Variants in ECHDC3 observed in about 807,000 individuals in gnomAD.
ECHDC3 encodes enoyl-CoA hydratase domain containing 3.
Under a neutral mutation model 17.9 loss-of-function variants are expected in ECHDC3, and 20 were observed. That is an observed-to-expected ratio of 1.12 (90% CI 0.79 to 1.63). ECHDC3 has a LOEUF of 1.63. Ranked by LOEUF, ECHDC3 falls within the 40% of genes most tolerant of loss-of-function variation. The pLI, the probability that ECHDC3 is intolerant of heterozygous loss-of-function variation, is 0.00. For synonymous variants in ECHDC3, 177 were observed against 149.7 expected (o/e 1.18, Z -1.33); for missense variants, 407 against 357.7 (o/e 1.14, Z -1.11).
chr10:11,755,974 A>C (rs1275532798), intron 4 of ECHDC3, among the ~76,000 whole-genome samples: 3 of 152,246 alleles, frequency 2.0e-5, no homozygotes, highest in Non-Finnish European at 2.9e-5. Flanking sequence ...TGTTGCACTG[A>C]ATGGTTGCCC....
rs1832714084 is a variant in ECHDC3 at position 11,742,988 on chromosome 10, G to A, written c.170+242G>A. 1.1e-5 allele frequency: 4 copies of A among 357,578 alleles called. No individual in the cohort carries two copies. The South Asian group carries it at 3.8e-4, about 34-fold the overall frequency. The allele number at this position is 357,578 out of a possible 1,614,324, so 22.2% of individuals were successfully genotyped here. A position where few individuals can be genotyped will look rare whatever the true frequency, so the allele number is the denominator to read the frequency against. ...CTGCGGGGTCACTGGGCCTCCAGTC[G>A]CTGGGCCTGCGGAGAGGCCTGGAGA... On this transcript the variant is annotated intron_variant, in intron 1 of 4. Transcript: ENST00000379215.
chr10:11,761,957 G>A (rs569419512), intron 4 of ECHDC3, among the ~76,000 whole-genome samples: 13 of 152,202 alleles, frequency 8.5e-5, no homozygotes, highest in Non-Finnish European at 1.6e-4. Flanking sequence ...AAATGGCCAG[G>A]CATGGTGGCT....
intron 3 of ECHDC3, chr10:11,752,074 G>C (rs1020079438): frequency 6.6e-6 from 1 of 151,462 alleles, no homozygotes; most frequent in Non-Finnish European, 1.5e-5. Context: ...AATTCCCTTT[G>C]TCTTTTTTGA....
chr10:11,746,360 G>A (rs1832760177), intron 1 of ECHDC3, among the ~76,000 whole-genome samples: 1 of 145,724 alleles, frequency 6.9e-6, no homozygotes, highest in Admixed American at 6.8e-5. Flanking sequence ...AAAAAAGATG[G>A]AGTGGGTACA....
chr10:11,756,475 G>A (rs1321269578), intron 4 of ECHDC3, among the ~76,000 whole-genome samples: 12 of 152,328 alleles, frequency 7.9e-5, no homozygotes, highest in South Asian at 2.1e-4. Context: ...TGCCTAAGAC[G>A]CAAAAGAAAT....
At chr10:11,755,779 G>A (rs544558482) in intron 4 of ECHDC3, 171 bp downstream of exon 4, 7 of 603,174 alleles carry the variant, frequency 1.2e-5, no homozygotes, top group Middle Eastern at 8.8e-4. Flanking sequence ...ATGGCAGGGA[G>A]GGAAGAGCCG....
chr10:11,753,879 A>G (rs1410635531), intron 3 of ECHDC3, among the ~76,000 whole-genome samples: 1 of 152,010 alleles, frequency 6.6e-6, no homozygotes. Flanking sequence ...AGTTCAAGCA[A>G]TTCCCCTGCC....
At chr10:11,746,657 C>T (rs1373963455) in intron 1 of ECHDC3, among the ~76,000 whole-genome samples, 4 of 151,966 alleles carry the variant, frequency 2.6e-5, no homozygotes, top group South Asian at 2.1e-4. Context: ...AAAATTGGGT[C>T]GGGCATGGTG....
At chr10:11,759,449 G>A (rs186938734) in intron 4 of ECHDC3, among the ~76,000 whole-genome samples, 4 of 151,208 alleles carry the variant, frequency 2.6e-5, no homozygotes, top group East Asian at 1.9e-4. Flanking sequence ...AGAAGGCCCC[G>A]TTTACGAACC....
chr10:11,749,899 G>A (rs888214000), intron 3 of ECHDC3, among the ~76,000 whole-genome samples: 3 of 143,630 alleles, frequency 2.1e-5, no homozygotes, highest in Non-Finnish European at 4.5e-5. Context: ...AAGTTCAAGC[G>A]ATTCTCCTGC....
At chr10:11,759,366 A>C (rs1489369606) in intron 4 of ECHDC3, among the ~76,000 whole-genome samples, 24 of 63,562 alleles carry the variant, frequency 3.8e-4, no homozygotes, top group African/African-American at 1.0e-3. Context: ...TAAAAAAAAA[A>C]AAAACAAAAA....
intron 4 of ECHDC3, among the ~76,000 whole-genome samples, chr10:11,759,361 AAAAAAAAAAC>A (rs1321326089): frequency 6.3e-5 from 4 of 63,422 alleles, no homozygotes; most frequent in African/African-American, 9.3e-5. Flanking sequence ...TCTCTTAAAA[AAAAAAAAAAC>A]AAAAAAAAAA....
At chr10:11,756,354 C>G (rs1832886461) in intron 4 of ECHDC3, among the ~76,000 whole-genome samples, 2 of 152,290 alleles carry the variant, frequency 1.3e-5, no homozygotes, top group South Asian at 4.1e-4. Context: ...AATTGGAAAT[C>G]TATAAAAAAG....
In ECHDC3 at chr10:11,747,354, T is replaced by C. The variant is rs750118686; in HGVS notation, c.176T>C (p.Ile59Thr). ...TTGTAAAATGTTCTTCACAGGAACA[T>C]CGTCTTGAGCAATCCCAAGAAGAGG... ...SARQLDGIRN[I>T]VLSNPKKRNA... is the part of the protein sequence containing the mutation. The change falls in exon 2 of 5, where the codon ATC becomes ACC. Residue 59 changes from isoleucine to threonine, a missense_variant. Physicochemically the swap from Ile to Thr is moderately conservative, Grantham distance 89 (BLOSUM62 -1). Transcript: ENST00000379215. 4 of 1,613,800 alleles carry C rather than the reference T, an allele frequency of 2.5e-6. No homozygotes were observed. The Admixed American group carries it at 6.7e-5, about 27-fold the overall frequency.
At position 11,750,955 on chromosome 10, in the gene ECHDC3, A is replaced by G. The variant is rs1832816321; in HGVS notation, c.390+1363A>G. Reference sequence around the variant, plus strand: ...GATCAGGTTATATTTTTGTCACTACATGGAAGGATAAACAGGAACAGCAAT... The same window carrying G: ...GATCAGGTTATATTTTTGTCACTACGTGGAAGGATAAACAGGAACAGCAAT... On this transcript the variant is annotated intron_variant, in intron 3 of 4. Transcript: ENST00000379215. 5.3e-5 allele frequency among the ~76,000 whole-genome samples: 8 copies of G among 152,264 alleles called. No homozygotes were observed. The South Asian group carries it at 1.7e-3, about 32-fold the overall frequency.
chr10:11,743,337 G>A (rs1345596741), intron 1 of ECHDC3, among the ~76,000 whole-genome samples: 3 of 152,226 alleles, frequency 2.0e-5, no homozygotes, highest in African/African-American at 7.2e-5. Context: ...TCTAAATCAA[G>A]CTATTAAATA....
In ECHDC3 at chr10:11,763,533, G is replaced by A. The variant is rs1211423216; in HGVS notation, c.901G>A (p.Glu301Lys). The A allele has an allele frequency of 2.0e-6, 3 of 1,469,904 alleles. No individual in the cohort carries two copies. The highest frequency in any genetic ancestry group is 1.4e-5 in the African/African-American group (1 of 72,458). 91.1% of individuals were successfully genotyped at this position (1,469,904 alleles called of 1,614,324 possible). ...LQKRKPVWSHEPV is the reference protein window; with the variant it reads ...LQKRKPVWSHKPV ...GAAGAGAAAACCTGTCTGGTCACAC[G>A]AGCCAGTGTGAGTGGAGGCAGAGGA... The change falls in exon 5 of 5, where the codon GAG becomes AAG. Residue 301 changes from glutamate (E) to lysine (K), a missense_variant. Physicochemically the swap from Glu to Lys is moderately conservative, Grantham distance 56 (BLOSUM62 1). Transcript: ENST00000379215. The surrounding 1 kb of genome is among the most constrained non-coding windows in gnomAD (Gnocchi z 4.9).
intron 1 of ECHDC3, among the ~76,000 whole-genome samples, chr10:11,746,314 G>T (rs1832758769): frequency 7.9e-6 from 1 of 127,334 alleles, no homozygotes; most frequent in South Asian, 3.0e-4. Flanking sequence ...GGCAACAAGA[G>T]TGAAACTCCA....
At chr10:11,759,020 G>A (rs1832915897) in intron 4 of ECHDC3, among the ~76,000 whole-genome samples, 1 of 152,194 alleles carries the variant, frequency 6.6e-6, no homozygotes, top group South Asian at 2.1e-4. Context: ...ATGAGATCAT[G>A]AGTATGGAGC....
Sources: allele counts gnomAD v4.1 joint callset (sites outside exome capture counted in the v4.1 genomes callset), GRCh38; gene constraint gnomAD v4.1.1; non-coding constraint Gnocchi (gnomAD v3.1); transcripts MANE v1.5; gene names NCBI Gene and HGNC (gene_info 2026-07-23, HGNC 2026-07-21).